The following PPP1R12B variants were observed in gnomAD, a reference collection of about 807,000 sequenced individuals.
PPP1R12B encodes protein phosphatase 1 regulatory subunit 12B, also known as myosin phosphatase target subunit 2.
PPP1R12B carries 76 observed loss-of-function variants against 126.1 expected under a neutral mutation model. The observed-to-expected ratio is 0.60, with a 90% confidence interval of 0.50 to 0.73. PPP1R12B has a LOEUF of 0.73. Ranked by LOEUF, PPP1R12B falls within the 30% of genes least tolerant of loss-of-function variation. The pLI, the probability that PPP1R12B is intolerant of heterozygous loss-of-function variation, is 0.00. For missense variants in PPP1R12B, 1,052 were observed against 1,205.1 expected, an observed-to-expected ratio of 0.87 and a Z score of 1.88; for synonymous variants, 356 against 434.7, an observed-to-expected ratio of 0.82 and a Z score of 2.25.
At chr1:202,397,726 A>G (rs571182436) in intron 1 of PPP1R12B, among the ~76,000 whole-genome samples, 2 of 152,316 alleles carry the variant, frequency 1.3e-5, no homozygotes, top group Admixed American at 1.3e-4. Context: ...GAAGAAAAAA[A>G]GTTGTTGATA....
intron 13 of PPP1R12B, among the ~76,000 whole-genome samples, chr1:202,459,890 C>T (rs1458514906): frequency 6.6e-6 from 1 of 152,120 alleles, no homozygotes; most frequent in Non-Finnish European, 1.5e-5. Context: ...ACTATAGAAA[C>T]CAACAAGGTC....
At chr1:202,409,136 G>A (rs1202523239) in intron 1 of PPP1R12B, among the ~76,000 whole-genome samples, 1 of 151,800 alleles carries the variant, frequency 6.6e-6, no homozygotes, top group African/African-American at 2.4e-5. Flanking sequence ...ATTACGACCA[G>A]CATCAATTAT....
At chr1:202,375,761 C>T (rs985705118) in intron 1 of PPP1R12B, among the ~76,000 whole-genome samples, 4 of 152,186 alleles carry the variant, frequency 2.6e-5, no homozygotes, top group African/African-American at 9.7e-5. Context: ...CACGGTATTG[C>T]CCAGGCTGGT....
At chr1:202,462,559 A>G (rs775720266) in intron 13 of PPP1R12B, among the ~76,000 whole-genome samples, 4 of 152,108 alleles carry the variant, frequency 2.6e-5, no homozygotes, top group Non-Finnish European at 5.9e-5. Context: ...GAAGACAGTC[A>G]CCCAACACCT....
chr1:202,520,075 A>T (rs1254285893), intron 18 of PPP1R12B, among the ~76,000 whole-genome samples: 1 of 152,136 alleles, frequency 6.6e-6, no homozygotes, highest in Non-Finnish European at 1.5e-5. Context: ...TTCTTCTTTT[A>T]CCTGGCAGAT....
intron 13 of PPP1R12B, among the ~76,000 whole-genome samples, chr1:202,467,139 C>G (rs1462100376): frequency 6.6e-6 from 1 of 152,114 alleles, no homozygotes; most frequent in Non-Finnish European, 1.5e-5. Context: ...CAAATCTCAT[C>G]CAATCACTGA....
intron 18 of PPP1R12B, among the ~76,000 whole-genome samples, chr1:202,524,216 C>G (rs1389670057): frequency 3.9e-5 from 6 of 152,088 alleles, no homozygotes; most frequent in Non-Finnish European, 7.3e-5. Context: ...CCTGGAAGGG[C>G]TTGTGGGATG....
chr1:202,410,235 C>T (rs182812824), intron 1 of PPP1R12B: 2 of 152,320 alleles, frequency 1.3e-5, no homozygotes, highest in East Asian at 1.9e-4. Flanking sequence ...TTTTCTCCCA[C>T]TCTATGGACT....
At chr1:202,394,194 C>T (rs559785279) in intron 1 of PPP1R12B, among the ~76,000 whole-genome samples, 2 of 151,838 alleles carry the variant, frequency 1.3e-5, no homozygotes, top group African/African-American at 4.8e-5. Flanking sequence ...AAAAATTAGC[C>T]GGGCATGGTG....
intron 18 of PPP1R12B, among the ~76,000 whole-genome samples, chr1:202,557,173 G>A (rs1442006207): frequency 6.6e-6 from 1 of 152,068 alleles, no homozygotes; most frequent in African/African-American, 2.4e-5. Flanking sequence ...AAATTATTTT[G>A]TAGAGATGGG....
intron 1 of PPP1R12B, among the ~76,000 whole-genome samples, chr1:202,361,347 G>A (rs1479073244): frequency 6.6e-6 from 1 of 152,220 alleles, no homozygotes; most frequent in Non-Finnish European, 1.5e-5. Flanking sequence ...TGCTCATGGT[G>A]AGGGCCTCGG....
In PPP1R12B at chr1:202,476,642, C is replaced by T. The variant is rs561830329; in HGVS notation, c.1851-11891C>T. The stretch of plus-strand genomic sequence containing the variant: ...AGGTTACAGTGAGCCGAGATCACGC[C>T]ACTGCACTCCAGCCTGGGAGACGGA... On this transcript the variant is annotated intron_variant, in intron 13 of 23. Coordinates refer to ENST00000608999, the MANE Select transcript of PPP1R12B (RefSeq NM_002481.4). 4.6e-5 allele frequency among the ~76,000 whole-genome samples: 7 copies of T among 150,950 alleles called. No individual in the cohort carries two copies. In the East Asian group the frequency reaches 1.2e-3, roughly 25 times the overall value.
intron 18 of PPP1R12B, among the ~76,000 whole-genome samples, chr1:202,554,847 A>C (rs550089654): frequency 6.6e-6 from 1 of 151,778 alleles, no homozygotes; most frequent in Non-Finnish European, 1.5e-5. Flanking sequence ...TAGGTCATCA[A>C]CTTCCTAGGT....
intron 23 of PPP1R12B, chr1:202,575,115 C>T: frequency 1.2e-6 from 2 of 1,613,844 alleles, no homozygotes; most frequent in Non-Finnish European, 1.7e-6. Flanking sequence ...CCATCGAGTC[C>T]TCGGACACCC....
chr1:202,505,053 GA>G (rs1436326698), intron 18 of PPP1R12B, among the ~76,000 whole-genome samples: 3 of 152,186 alleles, frequency 2.0e-5, no homozygotes, highest in Non-Finnish European at 4.4e-5. Flanking sequence ...ATTATTTGGA[GA>G]GTCACAGAAG....
At chr1:202,458,206 A>G (rs763097995) in intron 13 of PPP1R12B, among the ~76,000 whole-genome samples, 1 of 143,074 alleles carries the variant, frequency 7.0e-6, no homozygotes, top group Non-Finnish European at 1.5e-5. Flanking sequence ...CAGGAACCAA[A>G]TCATGTAGAT....
intron 1 of PPP1R12B, among the ~76,000 whole-genome samples, chr1:202,366,412 G>A (rs1274943193): frequency 6.6e-6 from 1 of 151,310 alleles, no homozygotes; most frequent in Non-Finnish European, 1.5e-5. Flanking sequence ...CCAGCTACTC[G>A]GGAGGCTGAG....
chr1:202,425,599 A>C lies in PPP1R12B; in HGVS notation c.575A>C (p.Glu192Ala), dbSNP rs759740349. The C allele has an allele frequency of 4.3e-6, 7 of 1,613,892 alleles. No individual in the cohort carries two copies. The highest frequency in any genetic ancestry group is 5.9e-6 in the Non-Finnish European group (7 of 1,179,880). Reference sequence around the variant, plus strand: ...CTAGAGCAGTCAAGAAAAGAAGAAGAGCAGCAGATGTTGCAGGATGCCCGC... The same window carrying C: ...CTAGAGCAGTCAAGAAAAGAAGAAGCGCAGCAGATGTTGCAGGATGCCCGC... ...VDLEQSRKEE[E>A]QQMLQDARQW... The change falls in exon 4 of 24, where the codon GAG becomes GCG. Residue 192 changes from glutamate to alanine, a missense_variant. Transcript: ENST00000608999.
At chr1:202,385,692 G>A (rs1663000221) in intron 1 of PPP1R12B, among the ~76,000 whole-genome samples, 1 of 152,128 alleles carries the variant, frequency 6.6e-6, no homozygotes, top group African/African-American at 2.4e-5. Flanking sequence ...AGTGAGTTGT[G>A]CAAGGGCTCA....
Sources: allele counts gnomAD v4.1 joint callset (sites outside exome capture counted in the v4.1 genomes callset), GRCh38; gene constraint gnomAD v4.1.1; transcripts MANE v1.5; gene names NCBI Gene and HGNC (gene_info 2026-07-23, HGNC 2026-07-21).